ATF7IP2: variants seen among roughly 807,000 people sequenced by gnomAD.
ATF7IP2 encodes activating transcription factor 7 interacting protein 2, also known as activating transcription factor 7-interacting protein 2.
In ATF7IP2, 42 loss-of-function variants were observed where a neutral mutation model predicts 64.2. That is an observed-to-expected ratio of 0.65 (90% CI 0.51 to 0.85). The LOEUF is 0.85. Among genes scored for constraint, ATF7IP2 ranks in the 40% least tolerant of loss-of-function variants. The probability of loss-of-function intolerance (pLI) is 0.00; values close to 1 mark genes in which losing one functional copy is unlikely to be tolerated. For synonymous variants in ATF7IP2, 308 were observed against 272.8 expected (o/e 1.13, Z -1.27); for missense variants, 933 against 784.2 (o/e 1.19, Z -2.27).
chr16:10,467,147 A>G (rs2049604960), intron 9 of ATF7IP2, among the ~76,000 whole-genome samples: 1 of 151,848 alleles, frequency 6.6e-6, no homozygotes, highest in Admixed American at 6.6e-5. Context: ...CCTCTAGTTC[A>G]CTCTGGTCTC....
chr16:10,450,905 A>C (rs1384712810), intron 8 of ATF7IP2, among the ~76,000 whole-genome samples: 2 of 152,316 alleles, frequency 1.3e-5, no homozygotes, highest in African/African-American at 4.8e-5. Flanking sequence ...GTTTCTTCAC[A>C]GTGTCAATGG....
Position 10,472,155 on chromosome 16 carries a change from G to C in ATF7IP2, c.1398G>C (p.Leu466Phe), listed in dbSNP as rs371612637. ...VMLISVESPNLTTPITSNPTD... is the reference protein window; with the variant it reads ...VMLISVESPNFTTPITSNPTD... ...TGATTTCTGTGGAAAGTCCTAATTTGACAACTCCAATTACATCAAATCCAA... is the reference window on the plus strand; with the variant it reads ...TGATTTCTGTGGAAAGTCCTAATTTCACAACTCCAATTACATCAAATCCAA... Residue 466 changes from leucine to phenylalanine, a missense_variant, in exon 10 of 14, where the codon TTG becomes TTC. Transcript: ENST00000562102. 6 of 1,572,296 alleles carry C rather than the reference G, an allele frequency of 3.8e-6. No individual in the cohort carries two copies. Among genetic ancestry groups the C allele is most frequent in the Non-Finnish European group, 5.2e-6 (6 of 1,151,502 alleles).
chr16:10,437,814 T>C (rs1315556593), intron 6 of ATF7IP2, among the ~76,000 whole-genome samples: 4 of 152,212 alleles, frequency 2.6e-5, no homozygotes, highest in African/African-American at 9.7e-5. Flanking sequence ...GTTTCTATAA[T>C]GTATAGTATG....
At chr16:10,456,437 T>C (rs780492396) in intron 8 of ATF7IP2, among the ~76,000 whole-genome samples, 5 of 152,276 alleles carry the variant, frequency 3.3e-5, no homozygotes, top group Admixed American at 6.5e-5. Flanking sequence ...ACACTAAGCA[T>C]AGGACTCCCT....
intron 9 of ATF7IP2, among the ~76,000 whole-genome samples, chr16:10,462,373 T>C (rs1230359414): frequency 1.3e-5 from 2 of 152,094 alleles, no homozygotes; most frequent in Admixed American, 6.5e-5. Flanking sequence ...CATTTATTAT[T>C]TCTTTTGCTT....
At position 10,391,874 on chromosome 16, in the gene ATF7IP2, T is replaced by C. The variant is rs573783815; in HGVS notation, c.-242+5752T>C. ...TCGTGCCACTGCCTTTCAGCCTGGG[T>C]GACAGAGTGAGATTCTGTTTAAAAA... On this transcript the variant is annotated intron_variant, in intron 1 of 13. Coordinates refer to ENST00000562102, the MANE Select transcript of ATF7IP2 (RefSeq NM_001393719.1). Among the ~76,000 whole-genome samples, 15 of 149,800 alleles carry C rather than the reference T, an allele frequency of 1.0e-4. No individual in the cohort carries two copies. The South Asian group carries it at 3.2e-3, about 32-fold the overall frequency.
At chr16:10,465,136 CT>C (rs1413652647) in intron 9 of ATF7IP2, among the ~76,000 whole-genome samples, 2 of 152,162 alleles carry the variant, frequency 1.3e-5, no homozygotes, top group Non-Finnish European at 1.5e-5. Flanking sequence ...GTCCATCCTA[CT>C]CATTATTAAA....
chr16:10,480,989 G>C lies in ATF7IP2; in HGVS notation c.1635+25G>C, dbSNP rs775873905. The C allele has an allele frequency of 4.6e-6, 7 of 1,516,036 alleles. No individual in the cohort carries two copies. In the Admixed American group the frequency reaches 1.0e-4, roughly 22 times the overall value. The allele number at this position is 1,516,036 out of a possible 1,614,324, so 93.9% of individuals were successfully genotyped here. A position where few individuals can be genotyped will look rare whatever the true frequency, so the allele number is the denominator to read the frequency against. On this transcript the variant is annotated intron_variant, in intron 13 of 13. Transcript: ENST00000562102. Reference sequence around the variant, plus strand: ...GGTACTGAATCAAAGTGCTCTGTAAGGGATATTTATTCCAAATTGAGTGGG... The same window carrying C: ...GGTACTGAATCAAAGTGCTCTGTAACGGATATTTATTCCAAATTGAGTGGG...
chr16:10,426,955 C>T (rs747092134), intron 3 of ATF7IP2, among the ~76,000 whole-genome samples: 10 of 151,706 alleles, frequency 6.6e-5, no homozygotes, highest in Non-Finnish European at 8.8e-5. Flanking sequence ...CGGGTTCAAG[C>T]GATTCTCTTA....
At chr16:10,440,214 G>A (rs2048567606) in intron 7 of ATF7IP2, 150 bp from the exon 8 acceptor site, 2 of 410,720 alleles carry the variant, frequency 4.9e-6, no homozygotes, top group South Asian at 6.9e-5. Context: ...AGCATAAAAT[G>A]TGATTTCAAG....
rs1178141822 is a variant in ATF7IP2, at chr16:10,483,517, A to G, written c.*1268A>G. On this transcript the variant is annotated 3_prime_UTR_variant, in exon 14 of 14. Coordinates refer to ENST00000562102, the MANE Select transcript of ATF7IP2 (RefSeq NM_001393719.1). Reference sequence around the variant, plus strand: ...TCCCAACTGTTTGAAAGTTCGAAAGAGGGGCATTCTTTTCTGGTACATGGT... The same window carrying G: ...TCCCAACTGTTTGAAAGTTCGAAAGGGGGGCATTCTTTTCTGGTACATGGT... 1 of 152,190 alleles carries G rather than the reference A, an allele frequency of 6.6e-6. No homozygotes were observed. Among genetic ancestry groups the G allele is most frequent in the Non-Finnish European group, 1.5e-5 (1 of 68,042 alleles). The allele number at this position is 152,190 out of a possible 1,614,324, so 9.4% of individuals were successfully genotyped here. A position where few individuals can be genotyped will look rare whatever the true frequency, so the allele number is the denominator to read the frequency against.
At chr16:10,423,455 T>C (rs1373968335) in intron 3 of ATF7IP2, among the ~76,000 whole-genome samples, 1 of 152,150 alleles carries the variant, frequency 6.6e-6, no homozygotes, top group African/African-American at 2.4e-5. Context: ...ATATGGGTGG[T>C]GTATTCTGAC....
At chr16:10,460,278 A>G (rs928159094) in intron 9 of ATF7IP2, among the ~76,000 whole-genome samples, 3 of 152,222 alleles carry the variant, frequency 2.0e-5, no homozygotes, top group African/African-American at 7.2e-5. Context: ...AAGAAAAATC[A>G]ATTAAAAAGA....
intron 9 of ATF7IP2, among the ~76,000 whole-genome samples, chr16:10,466,653 C>G (rs1299781013): frequency 6.6e-6 from 1 of 152,074 alleles, no homozygotes; most frequent in African/African-American, 2.4e-5. Flanking sequence ...TGGATATCTT[C>G]TTTTATGAAG....
chr16:10,431,803 T>C (rs916309467), intron 5 of ATF7IP2, among the ~76,000 whole-genome samples: 1 of 151,558 alleles, frequency 6.6e-6, no homozygotes, highest in African/African-American at 2.4e-5. Flanking sequence ...TTTTAAAAAT[T>C]GTTGGTAACC....
At chr16:10,439,353 T>C (rs1294679555) in intron 7 of ATF7IP2, among the ~76,000 whole-genome samples, 1 of 149,176 alleles carries the variant, frequency 6.7e-6, no homozygotes, top group Non-Finnish European at 1.5e-5. Context: ...CTCAGCCTAC[T>C]GTAGTCCCAG....
At position 10,438,241 on chromosome 16, in the gene ATF7IP2, T is replaced by C; in HGVS notation, c.1095+6T>C. 6.3e-7 allele frequency: 1 copy of C among 1,594,374 alleles called. No homozygotes were observed. Among genetic ancestry groups the C allele is most frequent in the Non-Finnish European group, 8.5e-7 (1 of 1,172,816 alleles). ...GAATAGCTGATAAACTTTTGGTAAG[T>C]TTTGATTTCATTTGAGTCTTTTTTA... On this transcript the variant is annotated splice_donor_region_variant and intron_variant, in intron 7 of 13. Coordinates refer to ENST00000562102, the MANE Select transcript of ATF7IP2 (RefSeq NM_001393719.1).
intron 8 of ATF7IP2, chr16:10,447,833 G>C (rs567901554): frequency 1.4e-4 from 21 of 152,214 alleles, no homozygotes; most frequent in Non-Finnish European, 2.8e-4. Flanking sequence ...CAAAGGACAA[G>C]GGGGGTGAAA....
At chr16:10,399,318 A>G (rs2047481478) in intron 1 of ATF7IP2, among the ~76,000 whole-genome samples, 1 of 152,228 alleles carries the variant, frequency 6.6e-6, no homozygotes, top group East Asian at 1.9e-4. Context: ...GGAGAAATTT[A>G]TGATTTTTCT....
Sources: allele counts gnomAD v4.1 joint callset (sites outside exome capture counted in the v4.1 genomes callset), GRCh38; gene constraint gnomAD v4.1.1; transcripts MANE v1.5; gene names NCBI Gene and HGNC (gene_info 2026-07-23, HGNC 2026-07-21).